LMLN: variants seen among roughly 807,000 people sequenced by gnomAD.
LMLN encodes the protein leishmanolysin-like peptidase.
LMLN carries 70 observed loss-of-function variants against 92.3 expected under a neutral mutation model. The observed-to-expected ratio is 0.76, with a 90% confidence interval of 0.63 to 0.92. LMLN has a LOEUF of 0.92. LMLN is among the 40% of genes least tolerant of loss of function. The pLI is 0.00. For synonymous variants in LMLN, 308 were observed against 296.2 expected (o/e 1.04, Z -0.41); for missense variants, 691 against 814.6 (o/e 0.85, Z 1.85).
intron 6 of LMLN, among the ~76,000 whole-genome samples, chr3:197,981,328 C>T (rs1191529170): frequency 6.6e-6 from 1 of 150,930 alleles, no homozygotes; most frequent in East Asian, 2.0e-4. Flanking sequence ...GCTGTGATTA[C>T]ACCACTGCAC....
chr3:197,990,073 T>A (rs1423921179), intron 8 of LMLN, among the ~76,000 whole-genome samples: 1 of 151,760 alleles, frequency 6.6e-6, no homozygotes, highest in Non-Finnish European at 1.5e-5. Context: ...TTTATTTATT[T>A]TGTTTTTGAG....
At chr3:197,967,402 A>G (rs1249867656) in intron 1 of LMLN, among the ~76,000 whole-genome samples, 1 of 152,226 alleles carries the variant, frequency 6.6e-6, no homozygotes, top group African/African-American at 2.4e-5. Flanking sequence ...CTGAGCCGCA[A>G]AAGCAGCAGG....
chr3:198,021,000 T>C (rs1303880243), intron 12 of LMLN, among the ~76,000 whole-genome samples: 1 of 151,982 alleles, frequency 6.6e-6, no homozygotes, highest in Non-Finnish European at 1.5e-5. Context: ...GTATATTATA[T>C]ATATGATCTC....
At chr3:197,981,442 G>A (rs1721555428) in intron 6 of LMLN, among the ~76,000 whole-genome samples, 1 of 152,174 alleles carries the variant, frequency 6.6e-6, no homozygotes, top group African/African-American at 2.4e-5. Context: ...CCTGCTCTAA[G>A]GCAACAATTT....
In LMLN at chr3:197,999,365, A is replaced by T. The variant is rs372732787; in HGVS notation, c.1232+23A>T. ...TGGGTAAGACAGCTGTGACAAGAGGATATGAATTGCTTATGAAAATGAAAT... is the reference window on the plus strand; with the variant it reads ...TGGGTAAGACAGCTGTGACAAGAGGTTATGAATTGCTTATGAAAATGAAAT... On this transcript the variant is annotated intron_variant, in intron 11 of 15. Transcript: ENST00000330198. The T allele has an allele frequency of 8.6e-5, 129 of 1,505,198 alleles. 2 individuals carry two copies. Among genetic ancestry groups the T allele is most frequent in the Admixed American group, 2.0e-4 (12 of 59,738 alleles). 93.2% of individuals were successfully genotyped at this position (1,505,198 alleles called of 1,614,324 possible).
chr3:198,023,319 G>A (rs1284930807), intron 13 of LMLN, among the ~76,000 whole-genome samples: 1 of 152,012 alleles, frequency 6.6e-6, no homozygotes, highest in Non-Finnish European at 1.5e-5. Flanking sequence ...ACTCCCCAGA[G>A]CCAGGACTAC....
At chr3:197,998,567 A>AT (rs951054137) in intron 10 of LMLN, among the ~76,000 whole-genome samples, 5 of 150,108 alleles carry the variant, frequency 3.3e-5, no homozygotes, top group African/African-American at 9.7e-5. Context: ...TCCTTGAACT[A>AT]TTTTTTTTTT....
chr3:197,983,505 G>GAT (rs1721616530), intron 6 of LMLN, among the ~76,000 whole-genome samples: 1 of 152,160 alleles, frequency 6.6e-6, no homozygotes, highest in Admixed American at 6.5e-5. Flanking sequence ...ATAGCAAACA[G>GAT]ATAAGAAGGG....
chr3:197,992,073 G>A (rs1453875373), intron 9 of LMLN, among the ~76,000 whole-genome samples: 1 of 144,396 alleles, frequency 6.9e-6, no homozygotes, highest in African/African-American at 2.6e-5. Context: ...ATGTTGGTCA[G>A]GGTGAGACCC....
exon 16 of LMLN, chr3:198,038,918 CA>C (rs2109964004): frequency 2.9e-6 from 1 of 343,382 alleles, no homozygotes; most frequent in Non-Finnish European, 5.4e-6. Context: ...GCAACCCAAC[CA>C]CCTCGTCAGC....
At chr3:197,964,097 A>G (rs965969588) in intron 1 of LMLN, among the ~76,000 whole-genome samples, 2 of 152,162 alleles carry the variant, frequency 1.3e-5, no homozygotes, top group African/African-American at 4.8e-5. Context: ...TCCAATAGTA[A>G]ATCAACGTTG....
In LMLN at chr3:198,030,008, G is replaced by GT. The variant is rs998616627; in HGVS notation, c.1656+5229dup. Reference sequence around the variant, plus strand: ...TAGGCGCCCGCCACCATGCCTAGCTGTTTTTTTTTATTTTTAGTAGAGACA... The same window carrying GT: ...TAGGCGCCCGCCACCATGCCTAGCTGTTTTTTTTTTATTTTTAGTAGAGACA... On this transcript the variant is annotated intron_variant, in intron 14 of 15. Coordinates refer to ENST00000330198, the Ensembl canonical transcript of LMLN. Among the ~76,000 whole-genome samples the GT allele has an allele frequency of 4.7e-4, 71 of 150,702 alleles. 1 individual carries two copies. The highest frequency in any genetic ancestry group is 6.8e-3 in the Middle Eastern group (2 of 294).
At chr3:197,996,059 T>C (rs1722008375) in intron 9 of LMLN, 116 bp from the exon 10 acceptor site, 1 of 465,614 alleles carries the variant, frequency 2.1e-6, no homozygotes, top group South Asian at 6.4e-5. Flanking sequence ...AATTCTCCTT[T>C]CTCAACAAAG....
intron 14 of LMLN, among the ~76,000 whole-genome samples, chr3:198,035,160 C>T (rs529534754): frequency 1.4e-5 from 2 of 145,882 alleles, no homozygotes; most frequent in East Asian, 4.1e-4. Context: ...CCAAGATCGC[C>T]ACTGTATTCC....
intron 1 of LMLN, among the ~76,000 whole-genome samples, chr3:197,970,493 T>C (rs1004363180): frequency 1.6e-4 from 25 of 152,216 alleles, no homozygotes; most frequent in Admixed American, 1.5e-3. Flanking sequence ...TAGGACCTGC[T>C]TAATTCCTTC....
At chr3:197,961,380 A>G (rs1487380193) in intron 1 of LMLN, among the ~76,000 whole-genome samples, 1 of 152,258 alleles carries the variant, frequency 6.6e-6, no homozygotes, top group East Asian at 1.9e-4. Context: ...AATTCAGCCC[A>G]GAAATCTAAA....
intron 1 of LMLN, among the ~76,000 whole-genome samples, chr3:197,961,282 T>A (rs552541842): frequency 6.6e-6 from 1 of 152,286 alleles, no homozygotes; most frequent in South Asian, 2.1e-4. Context: ...AGTATTTAGG[T>A]CAGAGGTGGG....
In LMLN at chr3:197,980,450, A is replaced by G. The variant is rs200976812; in HGVS notation, c.674A>G (p.His225Arg). The G allele has an allele frequency of 4.5e-5, 72 of 1,614,110 alleles. 1 individual carries two copies. In the East Asian group the frequency reaches 1.2e-3, roughly 27 times the overall value. ...GCTCTGGCCACCGAGAGATGCAGCC[A>G]TGAAAACATCATCTCTTATGCAGCC... Residue 225 changes from histidine (H) to arginine (R), a missense_variant, in exon 6 of 16, where the codon CAT becomes CGT. By Grantham distance (29) the His-to-Arg change is conservative. Transcript: ENST00000330198.
At chr3:197,998,822 G>A (rs933589968) in intron 10 of LMLN, among the ~76,000 whole-genome samples, 1 of 152,156 alleles carries the variant, frequency 6.6e-6, no homozygotes, top group African/African-American at 2.4e-5. Context: ...CACTTGTTTT[G>A]CATGTTACAC....
Sources: allele counts gnomAD v4.1 joint callset (sites outside exome capture counted in the v4.1 genomes callset), GRCh38; gene constraint gnomAD v4.1.1; transcripts MANE v1.5; gene names NCBI Gene and HGNC (gene_info 2026-07-23, HGNC 2026-07-21).